MATN2: variants seen among roughly 807,000 people sequenced by gnomAD.
MATN2 encodes matrilin 2.
MATN2 carries 69 observed loss-of-function variants against 103.2 expected under a neutral mutation model. The observed-to-expected ratio is 0.67, with a 90% CI of 0.55 to 0.82. The LOEUF (loss-of-function observed/expected upper bound fraction) is 0.82. Ranked by LOEUF, MATN2 falls within the 40% of genes least tolerant of loss-of-function variation. MATN2 has a pLI of 0.00. For missense variants in MATN2, 1,023 were observed against 1,211.5 expected (o/e 0.84, Z 2.31); for synonymous variants, 429 against 450.2 (o/e 0.95, Z 0.60).
intron 4 of MATN2, among the ~76,000 whole-genome samples, chr8:97,957,968 C>G (rs1007348777): frequency 6.6e-6 from 1 of 152,190 alleles, no homozygotes. Flanking sequence ...GACTCTTCTG[C>G]GGATATCCCA....
intron 2 of MATN2, among the ~76,000 whole-genome samples, chr8:97,909,929 G>C (rs982741852): frequency 6.6e-6 from 1 of 152,020 alleles, no homozygotes; most frequent in Non-Finnish European, 1.5e-5. Context: ...GACTACAGGT[G>C]CCTGCAACCA....
chr8:97,905,884 C>T (rs985913580), intron 2 of MATN2, among the ~76,000 whole-genome samples: 2 of 152,102 alleles, frequency 1.3e-5, no homozygotes, highest in Non-Finnish European at 2.9e-5. Flanking sequence ...TGGTCTTGAA[C>T]TCCTGGGCTC....
intron 1 of MATN2, among the ~76,000 whole-genome samples, chr8:97,870,036 T>C (rs1817839149): frequency 6.6e-6 from 1 of 151,990 alleles, no homozygotes; most frequent in South Asian, 2.1e-4. Context: ...AAAATCGGCC[T>C]TTAAGGAATG....
At chr8:97,932,778 G>T (rs909422496) in intron 3 of MATN2, among the ~76,000 whole-genome samples, 4 of 152,212 alleles carry the variant, frequency 2.6e-5, no homozygotes, top group South Asian at 4.1e-4. Flanking sequence ...ATTCCCAGTG[G>T]TCCCTGTCCC....
intron 2 of MATN2, among the ~76,000 whole-genome samples, chr8:97,889,763 C>T (rs1563648082): frequency 6.6e-6 from 1 of 151,942 alleles, no homozygotes; most frequent in Non-Finnish European, 1.5e-5. Flanking sequence ...ATTTCTGGAT[C>T]ACCAGCAGTA....
intron 4 of MATN2, among the ~76,000 whole-genome samples, chr8:97,953,584 C>T (rs187140198): frequency 6.6e-6 from 1 of 152,244 alleles, no homozygotes; most frequent in African/African-American, 2.4e-5. Context: ...GTCAGGAGTT[C>T]GAGATCAGCC....
chr8:97,984,715 A>T (rs1812137109), intron 6 of MATN2, among the ~76,000 whole-genome samples: 1 of 152,126 alleles, frequency 6.6e-6, no homozygotes, highest in South Asian at 2.1e-4. Context: ...AATACCAATA[A>T]CCTTTTATTC....
intron 2 of MATN2, among the ~76,000 whole-genome samples, chr8:97,915,559 T>C (rs1297066943): frequency 1.3e-5 from 2 of 152,124 alleles, no homozygotes; most frequent in East Asian, 3.9e-4. Context: ...CCTCCTCCCC[T>C]CCTCCTTCCA....
intron 4 of MATN2, among the ~76,000 whole-genome samples, chr8:97,956,019 C>T (rs570918239): frequency 1.4e-4 from 22 of 152,252 alleles, no homozygotes; most frequent in South Asian, 6.2e-4. Flanking sequence ...TTGGCTTTAT[C>T]CAGGAGAGAA....
chr8:98,002,358 G>A (rs563291117), intron 7 of MATN2, among the ~76,000 whole-genome samples: 5 of 152,334 alleles, frequency 3.3e-5, no homozygotes, highest in South Asian at 2.1e-4. Flanking sequence ...AGAGCAAGGC[G>A]AAGCATTTAG....
intron 4 of MATN2, chr8:97,951,867 G>T (rs1309478999): frequency 6.6e-6 from 1 of 152,130 alleles, no homozygotes; most frequent in Non-Finnish European, 1.5e-5. Context: ...TAGTGAACAG[G>T]AGAATTGATT....
At chr8:97,926,845 A>G (rs1358595973) in intron 2 of MATN2, among the ~76,000 whole-genome samples, 1 of 152,228 alleles carries the variant, frequency 6.6e-6, no homozygotes, top group African/African-American at 2.4e-5. Context: ...CCAGAATTCC[A>G]TTTAATTCCA....
At chr8:98,019,725 C>T (rs1337493214) in intron 12 of MATN2, among the ~76,000 whole-genome samples, 1 of 152,218 alleles carries the variant, frequency 6.6e-6, no homozygotes, top group East Asian at 1.9e-4. Flanking sequence ...TGGTAATTCC[C>T]TATTTTGGGG....
chr8:97,897,699 C>T (rs1215899406), intron 2 of MATN2, among the ~76,000 whole-genome samples: 6 of 152,182 alleles, frequency 3.9e-5, no homozygotes, highest in African/African-American at 1.4e-4. Context: ...ACAATGACAG[C>T]TGGAAACATG....
intron 5 of MATN2, among the ~76,000 whole-genome samples, chr8:97,964,537 C>T (rs1414354254): frequency 6.6e-6 from 1 of 151,242 alleles, no homozygotes; most frequent in Non-Finnish European, 1.5e-5. Flanking sequence ...CTCCTGGGCT[C>T]AAGCGATACT....
intron 7 of MATN2, among the ~76,000 whole-genome samples, chr8:97,995,027 A>G (rs1812535468): frequency 6.6e-6 from 1 of 152,172 alleles, no homozygotes; most frequent in Admixed American, 6.5e-5. Context: ...CTTTGATAGG[A>G]AAGAAGAAGA....
At position 97,972,778 on chromosome 8, in the gene MATN2, G is replaced by T. The variant is rs1240948690; in HGVS notation, c.959-6108G>T. On this transcript the variant is annotated intron_variant, in intron 5 of 18. Coordinates refer to ENST00000254898, the MANE Select transcript of MATN2 (RefSeq NM_002380.5). ...GTGGCAAGACTGACTTCTGACTCTG[G>T]GATCTTAGCACTTGTGATCTGGAGG... Among the ~76,000 whole-genome samples the T allele has an allele frequency of 2.0e-5, 3 of 152,152 alleles. No homozygotes were observed. The East Asian group carries it at 5.8e-4, about 29-fold the overall frequency.
At chr8:97,882,220 G>T (rs1375672112) in intron 1 of MATN2, among the ~76,000 whole-genome samples, 2 of 151,524 alleles carry the variant, frequency 1.3e-5, no homozygotes, top group African/African-American at 4.8e-5. Context: ...CACCATGCCT[G>T]ACCCTTATTA....
At chr8:98,011,046 T>C (rs985968473) in intron 10 of MATN2, among the ~76,000 whole-genome samples, 2 of 152,216 alleles carry the variant, frequency 1.3e-5, no homozygotes, top group African/African-American at 4.8e-5. Flanking sequence ...AGGATCCAGG[T>C]GCTGGCATGG....
Sources: allele counts gnomAD v4.1 joint callset (sites outside exome capture counted in the v4.1 genomes callset), GRCh38; gene constraint gnomAD v4.1.1; transcripts MANE v1.5; gene names NCBI Gene and HGNC (gene_info 2026-07-23, HGNC 2026-07-21).